The following VSTM4 variants were observed in gnomAD, a reference collection of about 807,000 sequenced individuals.
VSTM4 encodes V-set and transmembrane domain-containing protein 4.
A neutral mutation model predicts 36.4 loss-of-function variants in VSTM4; 20 were observed. That is an observed-to-expected ratio of 0.55 (90% CI 0.39 to 0.80). VSTM4 has a LOEUF of 0.80. Ranked by LOEUF, VSTM4 falls within the 30% of genes least tolerant of loss-of-function variation. VSTM4 has a pLI of 0.00. For synonymous variants in VSTM4, 182 were observed against 173.9 expected, an observed-to-expected ratio of 1.05 and a Z score of -0.37; for missense variants, 392 against 404.5, an observed-to-expected ratio of 0.97 and a Z score of 0.26.
Position 49,091,914 on chromosome 10 carries a change from GA to G in VSTM4, c.458-5892del, listed in dbSNP as rs141028727. ...AAGTCAGGTGCACATTTCTGACACG[GA>G]AAGCCTTCCAGAACGCAGGATTCGA... On this transcript the variant is annotated intron_variant, in intron 2 of 7. Transcript: ENST00000332853. Among the ~76,000 whole-genome samples, 673 of 152,348 alleles carry G rather than the reference GA, an allele frequency of 4.4e-3. 7 individuals carry two copies. Among genetic ancestry groups the G allele is most frequent in the African/African-American group, 0.015 (627 of 41,586 alleles).
At chr10:49,080,401 A>G (rs1564586365) in intron 3 of VSTM4, among the ~76,000 whole-genome samples, 2 of 152,248 alleles carry the variant, frequency 1.3e-5, no homozygotes, top group African/African-American at 2.4e-5. Context: ...CCTAGGCCCC[A>G]GGGAAGCCCA....
intron 7 of VSTM4, among the ~76,000 whole-genome samples, chr10:49,024,667 C>T (rs1432566505): frequency 3.3e-5 from 5 of 152,152 alleles, no homozygotes; most frequent in Non-Finnish European, 5.9e-5. Flanking sequence ...GCAGCTGCCC[C>T]ATAAAAGGTG....
chr10:49,088,937 G>A (rs533138722), intron 2 of VSTM4, among the ~76,000 whole-genome samples: 5 of 152,268 alleles, frequency 3.3e-5, no homozygotes, highest in Non-Finnish European at 1.5e-5. Context: ...AGTGTCACCC[G>A]GGAGCTCCTC....
Position 49,055,543 on chromosome 10 carries a change from T to C in VSTM4, c.669-6959A>G, listed in dbSNP as rs1455522585. 2.0e-5 allele frequency among the ~76,000 whole-genome samples: 3 copies of C among 152,242 alleles called. No homozygotes were observed. In the East Asian group the frequency reaches 5.8e-4, roughly 29 times the overall value. ...AATGAATAATAGTAACAACTGTAGATACCCCTTCTCCCCAAGGTCAGCTGC... is the reference window on the plus strand; with the variant it reads ...AATGAATAATAGTAACAACTGTAGACACCCCTTCTCCCCAAGGTCAGCTGC... On this transcript the variant is annotated intron_variant, in intron 5 of 7. Transcript: ENST00000332853.
intron 7 of VSTM4, among the ~76,000 whole-genome samples, chr10:49,027,264 A>G (rs994046991): frequency 2.0e-5 from 3 of 152,184 alleles, no homozygotes; most frequent in Admixed American, 6.5e-5. Context: ...ATTCATTTAT[A>G]CAAGTAACAT....
chr10:49,065,290 G>A (rs1843953274), intron 4 of VSTM4, among the ~76,000 whole-genome samples: 1 of 152,178 alleles, frequency 6.6e-6, no homozygotes, highest in African/African-American at 2.4e-5. Context: ...TGTCCACTCT[G>A]AGGTTCACAG....
intron 2 of VSTM4, among the ~76,000 whole-genome samples, chr10:49,098,636 G>A (rs1590129988): frequency 6.6e-6 from 1 of 152,324 alleles, no homozygotes; most frequent in East Asian, 1.9e-4. Context: ...CCTGGCATGA[G>A]CTGCAGTGCC....
intron 7 of VSTM4, among the ~76,000 whole-genome samples, chr10:49,024,721 ACCT>A (rs1590065945): frequency 6.6e-6 from 1 of 152,070 alleles, no homozygotes; most frequent in East Asian, 1.9e-4. Flanking sequence ...CAGTGGCATC[ACCT>A]CCTCTCTAGG....
chr10:49,017,015 CA>C lies in VSTM4; in HGVS notation c.*2634del. ...TTTTAGCTTCATTTAAACATTTAAGCAATGGTCTATTTTGAAAATTACTCAT... is the reference window on the plus strand; with the variant it reads ...TTTTAGCTTCATTTAAACATTTAAGCATGGTCTATTTTGAAAATTACTCAT... On this transcript the variant is annotated 3_prime_UTR_variant, in exon 8 of 8. Coordinates refer to ENST00000332853, the MANE Select transcript of VSTM4 (RefSeq NM_001031746.5). The C allele has an allele frequency of 6.6e-6, 1 of 152,242 alleles. No individual in the cohort carries two copies. Among genetic ancestry groups the C allele is most frequent in the East Asian group, 1.9e-4 (1 of 5,202 alleles). The allele number at this position is 152,242 out of a possible 1,614,324, so 9.4% of individuals were successfully genotyped here.
intron 2 of VSTM4, among the ~76,000 whole-genome samples, chr10:49,106,661 C>A (rs1844788253): frequency 1.3e-5 from 2 of 152,214 alleles, no homozygotes; most frequent in Admixed American, 6.5e-5. Context: ...CACAGCAAAA[C>A]CTCCCAACGC....
At chr10:49,030,309 C>T (rs898772070) in intron 7 of VSTM4, among the ~76,000 whole-genome samples, 14 of 152,284 alleles carry the variant, frequency 9.2e-5, no homozygotes, top group South Asian at 4.1e-4. Context: ...AATCCAGTTG[C>T]ACTCCCAAAT....
At chr10:49,047,133 AG>A (rs763063542) in intron 6 of VSTM4, 89 bp from the exon 7 acceptor site, 3 of 1,330,616 alleles carry the variant, frequency 2.3e-6, no homozygotes, top group Non-Finnish European at 3.2e-6. Flanking sequence ...ATATTCTGAG[AG>A]GTCTCATACC....
chr10:49,096,630 T>C (rs943788235), intron 2 of VSTM4, among the ~76,000 whole-genome samples: 3 of 143,948 alleles, frequency 2.1e-5, no homozygotes, highest in Non-Finnish European at 4.7e-5. Context: ...ACCGTGTGTG[T>C]GTGTGTGTGT....
At chr10:49,063,698 G>C (rs1437906911) in intron 5 of VSTM4, among the ~76,000 whole-genome samples, 1 of 152,176 alleles carries the variant, frequency 6.6e-6, no homozygotes, top group Non-Finnish European at 1.5e-5. Context: ...CCTCAGATTT[G>C]GAAGCTGGAT....
intron 7 of VSTM4, among the ~76,000 whole-genome samples, chr10:49,042,809 A>G (rs1261195920): frequency 6.6e-6 from 1 of 152,186 alleles, no homozygotes; most frequent in East Asian, 1.9e-4. Flanking sequence ...CTGGTAGAAG[A>G]GATGGATGAT....
At chr10:49,060,147 C>A (rs1205034355) in intron 5 of VSTM4, among the ~76,000 whole-genome samples, 1 of 152,190 alleles carries the variant, frequency 6.6e-6, no homozygotes. Flanking sequence ...TTCTGGTTAT[C>A]ATGAACACAG....
chr10:49,109,885 C>T (rs1363823803), intron 1 of VSTM4, among the ~76,000 whole-genome samples: 2 of 152,244 alleles, frequency 1.3e-5, no homozygotes, highest in Non-Finnish European at 2.9e-5. Context: ...ATCTCGCCCA[C>T]CTGGCAGGCA....
chr10:49,020,498 G>A (rs1007932004), intron 7 of VSTM4, among the ~76,000 whole-genome samples: 6 of 151,798 alleles, frequency 4.0e-5, no homozygotes, highest in South Asian at 4.2e-4. Context: ...GGGAAAAAGC[G>A]TAAGTGAATA....
At chr10:49,100,362 C>T (rs761291212) in intron 2 of VSTM4, among the ~76,000 whole-genome samples, 13 of 152,130 alleles carry the variant, frequency 8.5e-5, no homozygotes, top group Non-Finnish European at 1.6e-4. Flanking sequence ...AACTGAGAAA[C>T]ACCACATCTG....
Sources: allele counts gnomAD v4.1 joint callset (sites outside exome capture counted in the v4.1 genomes callset), GRCh38; gene constraint gnomAD v4.1.1; transcripts MANE v1.5; gene names NCBI Gene and HGNC (gene_info 2026-07-23, HGNC 2026-07-21).